MAT2A: variants seen among roughly 807,000 people sequenced by gnomAD.
MAT2A encodes the protein methionine adenosyltransferase 2A, also known as S-adenosylmethionine synthase isoform type-2.
In MAT2A, 3 loss-of-function variants were observed where a neutral mutation model predicts 43.9. The ratio of observed to expected loss-of-function variants is 0.07; its 90% confidence interval spans 0.03 to 0.18. MAT2A has a LOEUF of 0.18. Ranked by LOEUF, MAT2A falls within the 10% of genes least tolerant of loss-of-function variation. MAT2A has a pLI of 1.00. For missense variants in MAT2A, 204 were observed against 489.0 expected (o/e 0.42, Z 5.50); for synonymous variants, 200 against 168.4 (o/e 1.19, Z -1.45).
intron 2 of MAT2A, 42 bp from the exon 3 acceptor site, chr2:85,541,213 T>A: frequency 6.2e-7 from 1 of 1,611,976 alleles, no homozygotes; most frequent in Non-Finnish European, 8.5e-7. Context: ...AAAAATTATT[T>A]TTATAGAAGT....
At position 85,542,321 on chromosome 2, in the gene MAT2A, A is replaced by G; in HGVS notation, c.716A>G (p.Asp239Gly). 1.2e-6 allele frequency: 2 copies of G among 1,614,214 alleles called. No individual in the cohort carries two copies. Among genetic ancestry groups the G allele is most frequent in the Non-Finnish European group, 1.7e-6 (2 of 1,180,044 alleles). The change falls in exon 6 of 9, where the codon GAT (aspartate) becomes GGT (glycine). Residue 239 changes from aspartate to glycine, a missense_variant. Transcript: ENST00000306434. Reference protein sequence around the residue: ...AVVPAKYLDEDTIYHLQPSGR... With the variant: ...AVVPAKYLDEGTIYHLQPSGR... ...GTGCCTGCGAAATACCTTGATGAGG[A>G]TACAATCTACCACCTACAGCCAAGT...
rs1691388922 is a variant in MAT2A, at chr2:85,539,331, A to G, written c.44A>G (p.Glu15Gly). Reference protein sequence around the residue: ...LNGFHEAFIEEGTFLFTSESV... With the variant: ...LNGFHEAFIEGGTFLFTSESV... ...GGCTTCCACGAGGCGTTCATCGAGGAGGGCACATTCCTTTTCACCTCAGAG... is the reference window on the plus strand; with the variant it reads ...GGCTTCCACGAGGCGTTCATCGAGGGGGGCACATTCCTTTTCACCTCAGAG... The change falls in exon 1 of 9, where the codon GAG becomes GGG. Residue 15 changes from glutamate to glycine, a missense_variant. This residue lies in a region of MAT2A where 36 missense variants were observed against 24.2 expected (regional missense o/e 1.49). Transcript: ENST00000306434. 6.2e-7 allele frequency: 1 copy of G among 1,606,902 alleles called. No individual in the cohort carries two copies. The highest frequency in any genetic ancestry group is 1.1e-5 in the South Asian group (1 of 90,242).
intron 1 of MAT2A, 46 bp downstream of exon 1, chr2:85,539,424 G>T (rs374321060): frequency 2.0e-6 from 3 of 1,473,882 alleles, no homozygotes; most frequent in African/African-American, 2.9e-5. Flanking sequence ...GCAGAAGGCA[G>T]CGCCAAGGTC....
rs1425119813 is a variant in MAT2A, at chr2:85,539,453, C to A, written c.91+75C>A. On this transcript the variant is annotated intron_variant, in intron 1 of 8. Coordinates refer to ENST00000306434, the MANE Select transcript of MAT2A (RefSeq NM_005911.6). ...CAAGGTCCGGCTGGCTGCGGCCGGC[C>A]GGTGGTGGGGCCCGCGCGGGTCGTC... 7 of 1,235,400 alleles carry A rather than the reference C, an allele frequency of 5.7e-6. No homozygotes were observed. The South Asian group carries it at 8.5e-5, about 15-fold the overall frequency. 76.5% of individuals were successfully genotyped at this position (1,235,400 alleles called of 1,614,324 possible). A position where few individuals can be genotyped will look rare whatever the true frequency, so the allele number is the denominator to read the frequency against.
chr2:85,541,566 C>A, intron 3 of MAT2A, 67 bp from the exon 4 acceptor site: 1 of 1,376,464 alleles, frequency 7.3e-7, no homozygotes, highest in Non-Finnish European at 1.0e-6. Context: ...TTTAGAATTC[C>A]AGATAATTGC....
rs1691552945 is a variant in MAT2A, at chr2:85,544,266, C to A, written c.*494C>A. On this transcript the variant is annotated 3_prime_UTR_variant, in exon 9 of 9. Coordinates refer to ENST00000306434, the MANE Select transcript of MAT2A (RefSeq NM_005911.6). ...ATGTGAAGCCTTCCCCTTATCCTCC[C>A]TGTAACTTGATCCATTTCTAATTAT... 1.3e-5 allele frequency: 2 copies of A among 152,708 alleles called. No individual in the cohort carries two copies. Among genetic ancestry groups the A allele is most frequent in the Non-Finnish European group, 2.9e-5 (2 of 68,102 alleles). The allele number at this position is 152,708 out of a possible 1,614,324, so 9.5% of individuals were successfully genotyped here. A position where few individuals can be genotyped will look rare whatever the true frequency, so the allele number is the denominator to read the frequency against.
rs764750965 is a variant in MAT2A at position 85,542,957 on chromosome 2, T to G, written c.1008T>G (p.Gly336=). ...HPLSISIFHY[G]TSQKSERELL... ...TATCTATCTCCATTTTCCATTATGG[T>G]ACCTCTCAGAAGAGTGAGAGAGAGC... Residue 336 remains glycine (G), a synonymous_variant, in exon 8 of 9, where the codon GGT becomes GGG. Coordinates refer to ENST00000306434, the MANE Select transcript of MAT2A (RefSeq NM_005911.6). 1.2e-6 allele frequency: 2 copies of G among 1,613,698 alleles called. No homozygotes were observed. Among genetic ancestry groups the G allele is most frequent in the South Asian group, 2.2e-5 (2 of 91,064 alleles).
intron 3 of MAT2A, 120 bp downstream of exon 3, chr2:85,541,497 A>ATT: frequency 7.5e-7 from 1 of 1,335,538 alleles, no homozygotes; most frequent in South Asian, 1.4e-5. Context: ...ACTAAGCCCT[A>ATT]TTCTGTTCAT....
rs888264150 is a variant in MAT2A, at chr2:85,544,661, C to G, written c.*889C>G. ...GGTTGCACACTTTGGTACCAGATAA[C>G]TTTTTTTTTTCTTTATAAGAAAGCC... is the stretch of plus-strand genomic sequence containing the variant. On this transcript the variant is annotated 3_prime_UTR_variant, in exon 9 of 9. Transcript: ENST00000306434. 27 of 150,926 alleles carry G rather than the reference C, an allele frequency of 1.8e-4. 1 individual carries two copies. The highest frequency in any genetic ancestry group is 1.6e-3 in the Admixed American group (24 of 15,108). The allele number at this position is 150,926 out of a possible 1,614,324, so 9.3% of individuals were successfully genotyped here.
chr2:85,539,497 G>A, intron 1 of MAT2A, 119 bp downstream of exon 1: 1 of 690,590 alleles, frequency 1.4e-6, no homozygotes, highest in South Asian at 2.4e-5. Flanking sequence ...CCGGGTGATG[G>A]AAGAGCGGCG....
intron 8 of MAT2A, 52 bp from the exon 9 acceptor site, chr2:85,543,618 G>T (rs1691534447): frequency 1.8e-6 from 2 of 1,099,876 alleles, no homozygotes; most frequent in African/African-American, 3.1e-5. Flanking sequence ...TGATTGTTTT[G>T]CTTTATTTTA....
At chr2:85,541,995 G>A in intron 5 of MAT2A, 23 bp downstream of exon 5, 4 of 1,606,980 alleles carry the variant, frequency 2.5e-6, no homozygotes, top group Non-Finnish European at 3.4e-6. Context: ...CATAAAGCTT[G>A]GTTGTCTCAT....
chr2:85,545,214 C>T lies in MAT2A; in HGVS notation c.*1442C>T, dbSNP rs1484208583. ...AGGATCTATTTTTGGAGGTTTATTA[C>T]GTATGTCTGGTTCTCAATTCCAACA... is the stretch of plus-strand genomic sequence containing the variant. On this transcript the variant is annotated 3_prime_UTR_variant, in exon 9 of 9. Coordinates refer to ENST00000306434, the MANE Select transcript of MAT2A (RefSeq NM_005911.6). 4 of 152,690 alleles carry T rather than the reference C, an allele frequency of 2.6e-5. No homozygotes were observed. The highest frequency in any genetic ancestry group is 3.4e-3 in the Middle Eastern group (1 of 294). The allele number at this position is 152,690 out of a possible 1,614,324, so 9.5% of individuals were successfully genotyped here. A position where few individuals can be genotyped will look rare whatever the true frequency, so the allele number is the denominator to read the frequency against.
At chr2:85,542,880 A>G (rs749069776) in intron 7 of MAT2A, 21 bp from the exon 8 acceptor site, 2 of 1,606,484 alleles carry the variant, frequency 1.2e-6, no homozygotes, top group East Asian at 4.5e-5. Flanking sequence ...ACTGATTCTT[A>G]CGACATTTGA....
At chr2:85,540,490 T>G (rs562253956) in intron 1 of MAT2A, among the ~76,000 whole-genome samples, 1 of 152,322 alleles carries the variant, frequency 6.6e-6, no homozygotes, top group East Asian at 1.9e-4. Context: ...TATGTTTGGA[T>G]TCTGTTTTAG....
At chr2:85,542,057 A>T (rs1691488384) in intron 5 of MAT2A, 85 bp downstream of exon 5, 2 of 1,587,728 alleles carry the variant, frequency 1.3e-6, no homozygotes, top group Non-Finnish European at 1.7e-6. Flanking sequence ...TAACTGGAAA[A>T]AATAGCATTT....
intron 7 of MAT2A, 22 bp from the exon 8 acceptor site, chr2:85,542,879 T>TA (rs749332890): frequency 5.5e-5 from 89 of 1,606,558 alleles, no homozygotes; most frequent in Admixed American, 4.3e-4. Context: ...CACTGATTCT[T>TA]ACGACATTTG....
At position 85,541,982 on chromosome 2, in the gene MAT2A, G is replaced by T; in HGVS notation, c.549+10G>T. ...TGATTCTAAAACTCAAGTAAGTGAT[G>T]ATCATAAAGCTTGGTTGTCTCATTT... On this transcript the variant is annotated intron_variant, in intron 5 of 8. Coordinates refer to ENST00000306434, the MANE Select transcript of MAT2A (RefSeq NM_005911.6). 2 of 1,610,274 alleles carry T rather than the reference G, an allele frequency of 1.2e-6. No homozygotes were observed. The highest frequency in any genetic ancestry group is 1.1e-5 in the South Asian group (1 of 90,896).
In MAT2A at chr2:85,541,761, G is replaced by T. The variant is rs772500142; in HGVS notation, c.405+16G>T. On this transcript the variant is annotated intron_variant, in intron 4 of 8. Transcript: ENST00000306434. ...TGGAGACCAGGTATCTTGGTGTAGAGGCTGTTTTAATCTCTTCTAACATTA... is the reference window on the plus strand; with the variant it reads ...TGGAGACCAGGTATCTTGGTGTAGATGCTGTTTTAATCTCTTCTAACATTA... The T allele has an allele frequency of 1.2e-5, 19 of 1,613,680 alleles. No homozygotes were observed. The highest frequency in any genetic ancestry group is 1.5e-5 in the Non-Finnish European group (18 of 1,179,630).
Sources: allele counts gnomAD v4.1 joint callset (sites outside exome capture counted in the v4.1 genomes callset), GRCh38; gene constraint gnomAD v4.1.1; regional missense constraint gnomAD v4.1.1; transcripts MANE v1.5; gene names NCBI Gene and HGNC (gene_info 2026-07-23, HGNC 2026-07-21).